Variants in SGCZ observed in about 807,000 individuals in gnomAD.
The protein encoded by SGCZ is zeta-sarcoglycan.
SGCZ carries 40 observed loss-of-function variants against 41.3 expected under a neutral mutation model. The observed-to-expected ratio is 0.97, with a 90% CI of 0.75 to 1.26. The LOEUF is 1.26. SGCZ is among the 50% of genes most tolerant of loss of function. The probability of loss-of-function intolerance (pLI) is 0.00; values close to 1 mark genes in which losing one functional copy is unlikely to be tolerated. For missense variants in SGCZ, 552 were observed against 369.8 expected (o/e 1.49, Z -4.04); for synonymous variants, 206 against 137.5 (o/e 1.50, Z -3.49).
intron 1 of SGCZ, among the ~76,000 whole-genome samples, chr8:14,750,908 T>G (rs1799478245): frequency 6.6e-6 from 1 of 152,216 alleles, no homozygotes; most frequent in Non-Finnish European, 1.5e-5. Flanking sequence ...AAACAGATTG[T>G]GACTAATTGA....
At position 14,275,931 on chromosome 8, in the gene SGCZ, G is replaced by A. The variant is rs567329642; in HGVS notation, c.337-38252C>T. On this transcript the variant is annotated intron_variant, in intron 3 of 7. Coordinates refer to ENST00000382080, the MANE Select transcript of SGCZ (RefSeq NM_139167.4). ...CTGCTAAACTCTTTGAGGAAAGCCA[G>A]ACCAATGTGTCAAAACCTTTTAAAT... 1.1e-4 allele frequency among the ~76,000 whole-genome samples: 16 copies of A among 152,324 alleles called. 1 individual carries two copies. In the South Asian group the frequency reaches 3.1e-3, roughly 30 times the overall value.
intron 1 of SGCZ, among the ~76,000 whole-genome samples, chr8:14,876,513 G>A (rs891911344): frequency 1.4e-4 from 21 of 152,046 alleles, no homozygotes; most frequent in African/African-American, 5.1e-4. Context: ...AGAAATAAAT[G>A]AAATCAACAA....
chr8:15,134,810 T>C (rs922963652), intron 1 of SGCZ, among the ~76,000 whole-genome samples: 2 of 152,198 alleles, frequency 1.3e-5, no homozygotes, highest in Admixed American at 1.3e-4. Flanking sequence ...AAGAAAAATA[T>C]CTCAGAACTT....
At chr8:14,301,737 A>G (rs1451679260) in intron 3 of SGCZ, among the ~76,000 whole-genome samples, 2 of 152,278 alleles carry the variant, frequency 1.3e-5, no homozygotes, top group East Asian at 3.9e-4. Flanking sequence ...ATAACTTGCA[A>G]TTTTTGGAAA....
At chr8:14,469,049 C>T (rs919361037) in intron 2 of SGCZ, among the ~76,000 whole-genome samples, 3 of 152,012 alleles carry the variant, frequency 2.0e-5, no homozygotes, top group Non-Finnish European at 4.4e-5. Context: ...CTAATTAGTT[C>T]TCCATGCCAC....
chr8:14,094,567 G>C (rs1417452049), intron 7 of SGCZ, among the ~76,000 whole-genome samples: 2 of 152,110 alleles, frequency 1.3e-5, no homozygotes, highest in African/African-American at 2.4e-5. Context: ...CCGAGTCCCT[G>C]CTATTGTGAA....
intron 3 of SGCZ, among the ~76,000 whole-genome samples, chr8:14,271,379 G>C (rs915907015): frequency 2.0e-4 from 30 of 152,152 alleles, no homozygotes; most frequent in African/African-American, 6.5e-4. Flanking sequence ...TGTTAAATGT[G>C]AGCTTTAATA....
At chr8:14,225,640 C>A (rs1806347938) in intron 4 of SGCZ, among the ~76,000 whole-genome samples, 1 of 151,920 alleles carries the variant, frequency 6.6e-6, no homozygotes, top group Admixed American at 6.6e-5. Flanking sequence ...ATGTGATATG[C>A]TAAAGGAGCA....
chr8:14,518,894 C>CAA (rs370947291), intron 2 of SGCZ, among the ~76,000 whole-genome samples: 65,157 of 127,860 alleles, frequency 0.51, 16,803 homozygotes, highest in East Asian at 0.64. Context: ...CCATCTCTAC[C>CAA]AAAAAAAAAA....
intron 1 of SGCZ, among the ~76,000 whole-genome samples, chr8:15,172,163 T>TTAATTTATTTATTTTATTTTATTTTA (rs796278887): frequency 8.6e-6 from 1 of 116,524 alleles, no homozygotes; most frequent in African/African-American, 3.1e-5. Context: ...TGTTTTTTTT[T>TTAATTTATTTATTTTATTTTATTTTA]TTTTTTTTTT....
In SGCZ at chr8:14,701,694, G is replaced by C. The variant is rs118158375; in HGVS notation, c.40-146768C>G. ...AATGTCTTGTTCTGTGTCCCACTGA[G>C]AAAGCAGACACAATCATGAGACCTT... On this transcript the variant is annotated intron_variant, in intron 1 of 7. Transcript: ENST00000382080. Among the ~76,000 whole-genome samples, 155 of 151,806 alleles carry C rather than the reference G, an allele frequency of 1.0e-3. 3 individuals carry two copies. The East Asian group carries it at 0.027, about 26-fold the overall frequency.
chr8:14,588,493 C>G (rs944843958), intron 1 of SGCZ, among the ~76,000 whole-genome samples: 4 of 151,976 alleles, frequency 2.6e-5, no homozygotes, highest in African/African-American at 9.7e-5. Context: ...ATTTAGTTCA[C>G]TAATTAAAAA....
chr8:14,997,873 T>C (rs565136817), intron 1 of SGCZ, among the ~76,000 whole-genome samples: 1 of 152,144 alleles, frequency 6.6e-6, no homozygotes, highest in South Asian at 2.1e-4. Context: ...GACAGGAGAA[T>C]TGCTTGAACC....
intron 1 of SGCZ, among the ~76,000 whole-genome samples, chr8:14,900,755 C>A (rs181936927): frequency 6.6e-6 from 1 of 152,234 alleles, no homozygotes; most frequent in Non-Finnish European, 1.5e-5. Flanking sequence ...GATAAAGATG[C>A]AAATTGCATG....
At chr8:14,456,240 C>A (rs569155943) in intron 2 of SGCZ, among the ~76,000 whole-genome samples, 1 of 152,080 alleles carries the variant, frequency 6.6e-6, no homozygotes, top group East Asian at 1.9e-4. Context: ...GAAACCCTGT[C>A]TCTACTAAAT....
At chr8:14,659,012 C>T (rs1004366029) in intron 1 of SGCZ, among the ~76,000 whole-genome samples, 2 of 151,902 alleles carry the variant, frequency 1.3e-5, no homozygotes, top group African/African-American at 2.4e-5. Context: ...CTGTTAAGTA[C>T]CCAATGTGAA....
At chr8:15,018,737 T>C (rs1232481727) in intron 1 of SGCZ, among the ~76,000 whole-genome samples, 2 of 152,142 alleles carry the variant, frequency 1.3e-5, no homozygotes, top group Admixed American at 6.5e-5. Context: ...GAAAGGGATG[T>C]TGTAGTAGTC....
At chr8:14,542,102 T>C (rs894038656) in intron 2 of SGCZ, among the ~76,000 whole-genome samples, 1 of 151,900 alleles carries the variant, frequency 6.6e-6, no homozygotes, top group African/African-American at 2.4e-5. Flanking sequence ...TCTGATGATA[T>C]TTTCTTTTGC....
chr8:15,060,375 T>C (rs1169997073), intron 1 of SGCZ, among the ~76,000 whole-genome samples: 1 of 151,746 alleles, frequency 6.6e-6, no homozygotes, highest in Non-Finnish European at 1.5e-5. Flanking sequence ...TGTAGGGACA[T>C]GGATGAAGCT....
Sources: allele counts gnomAD v4.1 joint callset (sites outside exome capture counted in the v4.1 genomes callset), GRCh38; gene constraint gnomAD v4.1.1; transcripts MANE v1.5; gene names NCBI Gene and HGNC (gene_info 2026-07-23, HGNC 2026-07-21).